SGCZ: variants seen among roughly 807,000 people sequenced by gnomAD.
SGCZ encodes the protein sarcoglycan zeta.
A neutral mutation model predicts 41.3 loss-of-function variants in SGCZ; 40 were observed. The ratio of observed to expected loss-of-function variants is 0.97; its 90% CI spans 0.75 to 1.26. The LOEUF (loss-of-function observed/expected upper bound fraction) is 1.26. Ranked by LOEUF, SGCZ falls within the 50% of genes most tolerant of loss-of-function variation. SGCZ has a pLI of 0.00. For missense variants in SGCZ, 552 were observed against 369.8 expected, an observed-to-expected ratio of 1.49 and a Z score of -4.04; for synonymous variants, 206 against 137.5, an observed-to-expected ratio of 1.50 and a Z score of -3.49.
intron 4 of SGCZ, among the ~76,000 whole-genome samples, chr8:14,191,351 C>G (rs1805094533): frequency 6.6e-6 from 1 of 152,114 alleles, no homozygotes; most frequent in African/African-American, 2.4e-5. Flanking sequence ...TACAACCTCA[C>G]TTATTTTTGC....
chr8:14,379,778 C>G (rs977071561), intron 2 of SGCZ, among the ~76,000 whole-genome samples: 22 of 152,204 alleles, frequency 1.4e-4, no homozygotes, highest in Non-Finnish European at 1.8e-4. Flanking sequence ...GCTGCCCAGG[C>G]TGGAGTACAG....
chr8:14,528,979 T>C (rs912635815), intron 2 of SGCZ, among the ~76,000 whole-genome samples: 1 of 151,882 alleles, frequency 6.6e-6, no homozygotes, highest in Non-Finnish European at 1.5e-5. Flanking sequence ...ACCTAGAAAA[T>C]GACAACCAAC....
intron 1 of SGCZ, among the ~76,000 whole-genome samples, chr8:14,612,823 T>C (rs1367189048): frequency 1.3e-5 from 2 of 152,072 alleles, no homozygotes; most frequent in Non-Finnish European, 2.9e-5. Context: ...GTTGCTGGGA[T>C]TACAAGAACC....
chr8:14,103,202 A>G (rs1802089505), intron 6 of SGCZ, among the ~76,000 whole-genome samples: 2 of 152,224 alleles, frequency 1.3e-5, no homozygotes, highest in Admixed American at 1.3e-4. Context: ...TAGGAGGGCA[A>G]GAAACAAGTG....
intron 1 of SGCZ, among the ~76,000 whole-genome samples, chr8:15,077,007 AT>A (rs1161973770): frequency 1.3e-5 from 2 of 152,140 alleles, no homozygotes; most frequent in Non-Finnish European, 2.9e-5. Flanking sequence ...CGTGTCTCAA[AT>A]AGGGTTTTAA....
chr8:14,388,728 T>C (rs1329424207), intron 2 of SGCZ, among the ~76,000 whole-genome samples: 1 of 151,970 alleles, frequency 6.6e-6, no homozygotes, highest in Admixed American at 6.6e-5. Context: ...GATGGAGTTA[T>C]TAATGATGTA....
chr8:14,630,274 C>T (rs2117394833), intron 1 of SGCZ, among the ~76,000 whole-genome samples: 1 of 151,422 alleles, frequency 6.6e-6, no homozygotes, highest in Non-Finnish European at 1.5e-5. Flanking sequence ...AATAAATCTG[C>T]TTATGTCTGC....
intron 2 of SGCZ, among the ~76,000 whole-genome samples, chr8:14,510,440 G>A (rs181021954): frequency 2.5e-4 from 38 of 149,838 alleles, no homozygotes; most frequent in African/African-American, 9.5e-4. Context: ...TCTTTGTCCT[G>A]TAGAAAAAAA....
chr8:14,149,141 A>G (rs1303827530), intron 5 of SGCZ, among the ~76,000 whole-genome samples: 2 of 152,038 alleles, frequency 1.3e-5, no homozygotes, highest in African/African-American at 4.8e-5. Context: ...AATGATGCCA[A>G]TTTTCACCAC....
intron 7 of SGCZ, among the ~76,000 whole-genome samples, chr8:14,097,697 C>G (rs1801888227): frequency 1.3e-5 from 2 of 152,108 alleles, no homozygotes; most frequent in African/African-American, 2.4e-5. Flanking sequence ...GTGTTAAAGT[C>G]TCTCACTATT....
At chr8:14,454,708 G>A (rs1036455109) in intron 2 of SGCZ, among the ~76,000 whole-genome samples, 6 of 152,106 alleles carry the variant, frequency 3.9e-5, no homozygotes, top group Non-Finnish European at 8.8e-5. Flanking sequence ...AATAGAATGG[G>A]AAGTCTCTAA....
At chr8:14,875,850 T>C (rs887537380) in intron 1 of SGCZ, among the ~76,000 whole-genome samples, 4 of 152,154 alleles carry the variant, frequency 2.6e-5, no homozygotes, top group African/African-American at 9.7e-5. Flanking sequence ...TTTAGTTGGT[T>C]GAAAAATGGG....
At chr8:14,121,761 T>A (rs1563138906) in intron 5 of SGCZ, among the ~76,000 whole-genome samples, 1 of 152,184 alleles carries the variant, frequency 6.6e-6, no homozygotes, top group Non-Finnish European at 1.5e-5. Context: ...ATAAGTTTGG[T>A]GTCTCACTAG....
Position 15,010,362 on chromosome 8 carries a change from A to G in SGCZ, c.39+227223T>C, listed in dbSNP as rs569512197. Among the ~76,000 whole-genome samples the G allele has an allele frequency of 2.6e-5, 4 of 152,338 alleles. No individual in the cohort carries two copies. The South Asian group carries it at 8.3e-4, about 32-fold the overall frequency. The stretch of plus-strand genomic sequence containing the variant: ...ATTCTACCTCATCTATCATTTATAG[A>G]AATCTCAACAGAAAACACTTCAAGA... On this transcript the variant is annotated intron_variant, in intron 1 of 7. Transcript: ENST00000382080.
intron 1 of SGCZ, among the ~76,000 whole-genome samples, chr8:15,151,073 T>A (rs1799166845): frequency 6.6e-6 from 1 of 152,206 alleles, no homozygotes; most frequent in African/African-American, 2.4e-5. Flanking sequence ...CAGACACACA[T>A]ACACACTCAC....
At position 15,169,258 on chromosome 8, in the gene SGCZ, G is replaced by A. The variant is rs1210213054; in HGVS notation, c.39+68327C>T. Among the ~76,000 whole-genome samples the A allele has an allele frequency of 3.9e-5, 6 of 152,240 alleles. No homozygotes were observed. The South Asian group carries it at 1.2e-3, about 32-fold the overall frequency. On this transcript the variant is annotated intron_variant, in intron 1 of 7. Coordinates refer to ENST00000382080, the MANE Select transcript of SGCZ (RefSeq NM_139167.4). The stretch of plus-strand genomic sequence containing the variant: ...GCAGTTAGATGTACTTCTTTAAAGG[G>A]GGAAATGAGACAGCCAGGGAGGAGG...
intron 1 of SGCZ, among the ~76,000 whole-genome samples, chr8:15,037,697 G>A (rs1803921899): frequency 1.3e-5 from 2 of 152,154 alleles, no homozygotes; most frequent in African/African-American, 2.4e-5. Context: ...CCTGTTTGAA[G>A]AGATGACATA....
intron 3 of SGCZ, among the ~76,000 whole-genome samples, chr8:14,288,268 C>T (rs753207858): frequency 5.1e-4 from 77 of 152,104 alleles, no homozygotes; most frequent in Middle Eastern, 6.8e-3. Flanking sequence ...TTTTTTATTG[C>T]ATTGAAATAC....
chr8:14,723,816 C>G (rs1274235379), intron 1 of SGCZ, among the ~76,000 whole-genome samples: 2 of 151,868 alleles, frequency 1.3e-5, no homozygotes, highest in African/African-American at 4.8e-5. Context: ...ATAATATATA[C>G]TTTTCTAATT....
Sources: gnomAD v4.1 joint callset for allele counts (sites outside exome capture counted in the v4.1 genomes callset) on GRCh38, gnomAD v4.1.1 for gene constraint, MANE v1.5 for transcripts, NCBI Gene and HGNC (gene_info 2026-07-23, HGNC 2026-07-21) for gene names.